FBXL7: variants seen among roughly 807,000 people sequenced by gnomAD.
FBXL7 encodes F-box/LRR-repeat protein 7.
FBXL7 carries 12 observed loss-of-function variants against 38.3 expected under a neutral mutation model. The ratio of observed to expected loss-of-function variants is 0.31; its 90% CI spans 0.20 to 0.51. The LOEUF (loss-of-function observed/expected upper bound fraction) is 0.51, where lower values mean the gene tolerates loss of function less well. Among genes scored for constraint, FBXL7 ranks in the 20% least tolerant of loss-of-function variants. FBXL7 has a pLI of 0.98. For missense variants in FBXL7, 567 were observed against 676.4 expected (o/e 0.84, Z 1.79); for synonymous variants, 297 against 300.9 (o/e 0.99, Z 0.13).
chr5:15,904,005 A>G (rs1447255709), intron 2 of FBXL7, among the ~76,000 whole-genome samples: 1 of 152,202 alleles, frequency 6.6e-6, no homozygotes, highest in African/African-American at 2.4e-5. Context: ...TAAGGTTGAC[A>G]CCATGAAATA....
chr5:15,609,829 A>C (rs139810995), intron 1 of FBXL7, among the ~76,000 whole-genome samples: 1 of 152,316 alleles, frequency 6.6e-6, no homozygotes, highest in Non-Finnish European at 1.5e-5. Context: ...TAGCATAGGG[A>C]CTGAGGTGAC....
chr5:15,555,974 CATCTATCTATCTATCT>C (rs144598945), intron 1 of FBXL7, among the ~76,000 whole-genome samples: 9 of 140,890 alleles, frequency 6.4e-5, no homozygotes, highest in Admixed American at 2.8e-4. Flanking sequence ...ATCTGTCTAT[CATCTATCTATCTATCT>C]ATCTATCTAT....
Position 15,613,849 on chromosome 5 carries a change from C to T in FBXL7, c.38-2134C>T, listed in dbSNP as rs766267786. ...TTATAAACAACAGAAATGTATTTCT[C>T]ACAGTTCTGGAGACCGACAAGTCAA... is the stretch of plus-strand genomic sequence containing the variant. On this transcript the variant is annotated intron_variant, in intron 1 of 3. Coordinates refer to ENST00000504595, the MANE Select transcript of FBXL7 (RefSeq NM_012304.5). 2.2e-4 allele frequency among the ~76,000 whole-genome samples: 34 copies of T among 152,294 alleles called. 1 individual carries two copies. Among genetic ancestry groups the T allele is most frequent in the Admixed American group, 7.8e-4 (12 of 15,290 alleles).
intron 2 of FBXL7, among the ~76,000 whole-genome samples, chr5:15,786,096 T>A (rs1737125338): frequency 1.3e-5 from 2 of 152,194 alleles, no homozygotes; most frequent in Non-Finnish European, 2.9e-5. Context: ...ATTTTCTAAA[T>A]CATTTTTTCT....
intron 2 of FBXL7, among the ~76,000 whole-genome samples, chr5:15,846,587 G>A (rs543624015): frequency 7.1e-4 from 108 of 152,282 alleles, no homozygotes; most frequent in African/African-American, 2.2e-3. Flanking sequence ...CAATTATACC[G>A]TTGTCTTATT....
At chr5:15,641,374 T>G (rs1222030151) in intron 2 of FBXL7, among the ~76,000 whole-genome samples, 1 of 152,196 alleles carries the variant, frequency 6.6e-6, no homozygotes, top group Non-Finnish European at 1.5e-5. Context: ...ACTTCTTCTC[T>G]TCCCCTGGTA....
chr5:15,528,999 G>A (rs1170967924), intron 1 of FBXL7, among the ~76,000 whole-genome samples: 4 of 152,160 alleles, frequency 2.6e-5, no homozygotes, highest in Non-Finnish European at 5.9e-5. Flanking sequence ...TGGTAACCAT[G>A]TTGTACGCTA....
chr5:15,542,449 C>T (rs940951761), intron 1 of FBXL7, among the ~76,000 whole-genome samples: 1 of 152,178 alleles, frequency 6.6e-6, no homozygotes, highest in Non-Finnish European at 1.5e-5. Context: ...GAGCATTCTT[C>T]TATAAGCCTG....
chr5:15,765,320 C>T (rs900770670), intron 2 of FBXL7, among the ~76,000 whole-genome samples: 3 of 151,996 alleles, frequency 2.0e-5, no homozygotes, highest in Non-Finnish European at 4.4e-5. Flanking sequence ...TATGCACTCC[C>T]GAGGCCATAC....
intron 2 of FBXL7, among the ~76,000 whole-genome samples, chr5:15,626,149 A>T (rs758116482): frequency 1.3e-5 from 2 of 152,222 alleles, no homozygotes; most frequent in Non-Finnish European, 2.9e-5. Flanking sequence ...GCAAGACTTT[A>T]GCCTTTGAAG....
chr5:15,810,696 G>C (rs546087176), intron 2 of FBXL7, among the ~76,000 whole-genome samples: 4 of 152,074 alleles, frequency 2.6e-5, no homozygotes, highest in East Asian at 1.9e-4. Context: ...TATATTGTTA[G>C]TTATAATTCG....
At chr5:15,773,481 TA>T (rs1290577910) in intron 2 of FBXL7, among the ~76,000 whole-genome samples, 3 of 151,952 alleles carry the variant, frequency 2.0e-5, no homozygotes, top group African/African-American at 7.2e-5. Context: ...CCATCTCTAC[TA>T]AATTTTTTTT....
At chr5:15,786,151 A>G (rs1401088259) in intron 2 of FBXL7, among the ~76,000 whole-genome samples, 1 of 152,192 alleles carries the variant, frequency 6.6e-6, no homozygotes, top group Non-Finnish European at 1.5e-5. Context: ...CACAAGTTCC[A>G]CACTCCAGGA....
At chr5:15,503,861 ATT>A (rs1736569472) in intron 1 of FBXL7, among the ~76,000 whole-genome samples, 3 of 152,356 alleles carry the variant, frequency 2.0e-5, no homozygotes, top group African/African-American at 7.2e-5. Context: ...TTTGTTGAAT[ATT>A]ACAAATATTG....
chr5:15,783,694 G>A (rs1334532797), intron 2 of FBXL7, among the ~76,000 whole-genome samples: 2 of 152,206 alleles, frequency 1.3e-5, no homozygotes, highest in African/African-American at 4.8e-5. Flanking sequence ...GAATGAGTGT[G>A]CTCAGAGGAC....
At chr5:15,767,182 CCA>C (rs1444005637) in intron 2 of FBXL7, among the ~76,000 whole-genome samples, 1 of 152,128 alleles carries the variant, frequency 6.6e-6, no homozygotes, top group Non-Finnish European at 1.5e-5. Flanking sequence ...CCGACAGCCC[CCA>C]GTGTGCGTTG....
intron 2 of FBXL7, among the ~76,000 whole-genome samples, chr5:15,722,815 C>T (rs565552167): frequency 1.9e-4 from 29 of 151,588 alleles, no homozygotes; most frequent in South Asian, 6.3e-4. Context: ...CCCAGCTACT[C>T]GGAAGGCTGA....
chr5:15,841,650 A>G (rs983798969), intron 2 of FBXL7, among the ~76,000 whole-genome samples: 4 of 151,996 alleles, frequency 2.6e-5, no homozygotes, highest in Non-Finnish European at 2.9e-5. Flanking sequence ...CATTTTCCCT[A>G]TGAGGGAAAA....
chr5:15,741,326 A>G (rs1735887872), intron 2 of FBXL7, among the ~76,000 whole-genome samples: 1 of 152,230 alleles, frequency 6.6e-6, no homozygotes, highest in Non-Finnish European at 1.5e-5. Flanking sequence ...TATATGAAAC[A>G]TGAGATCTAC....
Sources: gnomAD v4.1 joint callset for allele counts (sites outside exome capture counted in the v4.1 genomes callset) on GRCh38, gnomAD v4.1.1 for gene constraint, MANE v1.5 for transcripts, NCBI Gene and HGNC (gene_info 2026-07-23, HGNC 2026-07-21) for gene names.